TCF12: variants seen among roughly 807,000 people sequenced by gnomAD.
The protein encoded by TCF12 is DNA-binding protein HTF4.
In TCF12, 45 loss-of-function variants were observed where a neutral mutation model predicts 86.0. The observed-to-expected ratio is 0.52, with a 90% CI of 0.41 to 0.67. The LOEUF (loss-of-function observed/expected upper bound fraction) is 0.67. Ranked by LOEUF, TCF12 falls within the 30% of genes least tolerant of loss-of-function variation. TCF12 has a pLI of 0.00. For synonymous variants in TCF12, 330 were observed against 299.6 expected (o/e 1.10, Z -1.05); for missense variants, 881 against 859.9 (o/e 1.02, Z -0.31).
intron 3 of TCF12, among the ~76,000 whole-genome samples, chr15:56,956,960 G>A (rs12102211): frequency 1.1e-4 from 16 of 152,224 alleles, no homozygotes; most frequent in Admixed American, 9.1e-4. Flanking sequence ...TTACCATTCT[G>A]ATGATGTTGA....
intron 3 of TCF12, among the ~76,000 whole-genome samples, chr15:56,945,474 G>C (rs1298899384): frequency 6.6e-6 from 1 of 151,820 alleles, no homozygotes; most frequent in African/African-American, 2.4e-5. Flanking sequence ...TTATCTGAGA[G>C]GTTTTAATTT....
At chr15:57,028,413 T>C (rs985002507) in intron 3 of TCF12, among the ~76,000 whole-genome samples, 2 of 152,206 alleles carry the variant, frequency 1.3e-5, no homozygotes, top group Admixed American at 6.5e-5. Flanking sequence ...AGTTTTGTTA[T>C]TCATGTGGTA....
chr15:57,275,962 T>C (rs1486875316), intron 19 of TCF12, among the ~76,000 whole-genome samples: 3 of 152,182 alleles, frequency 2.0e-5, no homozygotes, highest in African/African-American at 7.2e-5. Flanking sequence ...CAGTTTAAGC[T>C]TTTCCATTAT....
At chr15:57,137,685 T>C (rs943970725) in intron 5 of TCF12, among the ~76,000 whole-genome samples, 15 of 152,204 alleles carry the variant, frequency 9.9e-5, no homozygotes, top group Admixed American at 6.5e-4. Flanking sequence ...TGTTTATTTT[T>C]ATATTGGCAG....
chr15:56,990,686 G>A (rs997055518), intron 3 of TCF12, among the ~76,000 whole-genome samples: 9 of 152,076 alleles, frequency 5.9e-5, no homozygotes, highest in Non-Finnish European at 1.3e-4. Context: ...ATAGCCCAAT[G>A]TGTTCTTGGG....
At chr15:57,029,140 TTGTGAAAGAGTGGTTCTTCCAG>T (rs1313547939) in intron 3 of TCF12, among the ~76,000 whole-genome samples, 2 of 152,150 alleles carry the variant, frequency 1.3e-5, no homozygotes, top group African/African-American at 4.8e-5. Flanking sequence ...TTCGTTTACA[TTGTGAAAGAGTGGTTCTTCCAG>T]TGTGAAAGAG....
Position 57,197,790 on chromosome 15 carries a change from A to G in TCF12, c.544A>G (p.Lys182Glu), listed in dbSNP as rs1597245421. ...ATCTGCAGATCCCTTGCAAGCAAAAAAAGTCAGAAAGGTGCCTCCTGGTTT... is the reference window on the plus strand; with the variant it reads ...ATCTGCAGATCCCTTGCAAGCAAAAGAAGTCAGAAAGGTGCCTCCTGGTTT... The part of the protein sequence containing the change: ...SAALDPLQAK[K>E]VRKVPPGLPS... The change falls in exon 8 of 21, where the codon AAA becomes GAA. Residue 182 changes from lysine (K) to glutamate (E), a missense_variant. Around this residue, in one of 3 missense-constraint regions of TCF12, gnomAD observed 766 missense variants for 718.9 expected, o/e 1.07. Transcript: ENST00000333725. The G allele has an allele frequency of 6.2e-7, 1 of 1,613,970 alleles. No individual in the cohort carries two copies. Among genetic ancestry groups the G allele is most frequent in the Non-Finnish European group, 8.5e-7 (1 of 1,179,990 alleles).
intron 5 of TCF12, among the ~76,000 whole-genome samples, chr15:57,166,196 C>T (rs369197464): frequency 2.0e-5 from 3 of 152,174 alleles, no homozygotes; most frequent in Non-Finnish European, 4.4e-5. Flanking sequence ...AGATTACAGA[C>T]GTGAGTCACT....
At position 57,221,542 on chromosome 15, in the gene TCF12, G is replaced by C. The variant is rs549892564; in HGVS notation, c.580-9610G>C. Among the ~76,000 whole-genome samples the C allele has an allele frequency of 3.9e-5, 6 of 152,042 alleles. No homozygotes were observed. The South Asian group carries it at 6.2e-4, about 16-fold the overall frequency. ...ATTTCTCTTTGTTCTACATTGGGAG[G>C]GGGGTAGGGGGAGCTTTGATAGTGG... On this transcript the variant is annotated intron_variant, in intron 8 of 20. Coordinates refer to ENST00000333725, the MANE Select transcript of TCF12 (RefSeq NM_207037.2).
At chr15:57,073,704 T>C (rs1379075559) in intron 4 of TCF12, among the ~76,000 whole-genome samples, 2 of 152,224 alleles carry the variant, frequency 1.3e-5, no homozygotes. Flanking sequence ...CAGTTATTTC[T>C]ACTTGTGCAG....
intron 3 of TCF12, among the ~76,000 whole-genome samples, chr15:57,017,503 ATTC>A (rs1289927901): frequency 6.6e-6 from 1 of 152,248 alleles, no homozygotes; most frequent in African/African-American, 2.4e-5. Flanking sequence ...GCCAAAAATA[ATTC>A]TTAACTGTTC....
At chr15:56,949,376 G>T (rs1053663789) in intron 3 of TCF12, among the ~76,000 whole-genome samples, 2 of 152,124 alleles carry the variant, frequency 1.3e-5, no homozygotes, top group Non-Finnish European at 2.9e-5. Context: ...TGAGCACACA[G>T]AGCATTGTTA....
At chr15:57,177,926 C>T (rs1458233738) in intron 6 of TCF12, among the ~76,000 whole-genome samples, 2 of 151,954 alleles carry the variant, frequency 1.3e-5, no homozygotes, top group African/African-American at 4.8e-5. Flanking sequence ...GCCCAGGCTG[C>T]ATTCATTGTT....
chr15:56,982,135 A>G (rs1485640116), intron 3 of TCF12, among the ~76,000 whole-genome samples: 2 of 152,222 alleles, frequency 1.3e-5, no homozygotes, highest in African/African-American at 2.4e-5. Context: ...TTGACTGTCT[A>G]CAAAGCTCCA....
At chr15:57,208,634 C>T (rs1261152120) in intron 8 of TCF12, among the ~76,000 whole-genome samples, 1 of 152,022 alleles carries the variant, frequency 6.6e-6, no homozygotes, top group African/African-American at 2.4e-5. Context: ...ATCCACCCAC[C>T]TTGGCCTCCC....
intron 3 of TCF12, among the ~76,000 whole-genome samples, chr15:56,988,959 A>G (rs1371530429): frequency 6.6e-6 from 1 of 152,148 alleles, no homozygotes; most frequent in African/African-American, 2.4e-5. Context: ...ATTTTCTTTT[A>G]AAAGTATACT....
chr15:57,069,954 T>C (rs1189091003), intron 4 of TCF12, among the ~76,000 whole-genome samples: 1 of 152,230 alleles, frequency 6.6e-6, no homozygotes, highest in African/African-American at 2.4e-5. Flanking sequence ...TGGGTTCTAT[T>C]TCTGGCACTT....
chr15:57,175,948 C>A (rs112585643), intron 6 of TCF12, among the ~76,000 whole-genome samples: 10,550 of 152,132 alleles, frequency 0.069, 1,091 homozygotes, highest in African/African-American at 0.23. Flanking sequence ...TAGATAAATG[C>A]CTTTCTCCCA....
At chr15:56,922,954 C>T (rs954121673) in intron 3 of TCF12, among the ~76,000 whole-genome samples, 1 of 151,866 alleles carries the variant, frequency 6.6e-6, no homozygotes, top group South Asian at 2.1e-4. Context: ...TTTGAATAAC[C>T]TTCTGCCCTG....
Sources: gnomAD v4.1 joint callset for allele counts (sites outside exome capture counted in the v4.1 genomes callset) on GRCh38, gnomAD v4.1.1 for gene constraint, gnomAD v4.1.1 regional missense constraint, MANE v1.5 for transcripts, NCBI Gene and HGNC (gene_info 2026-07-23, HGNC 2026-07-21) for gene names.